EMCN: variants seen among roughly 807,000 people sequenced by gnomAD.
EMCN encodes the protein endomucin.
A neutral mutation model predicts 38.4 loss-of-function variants in EMCN; 37 were observed. The ratio of observed to expected loss-of-function variants is 0.96; its 90% confidence interval spans 0.74 to 1.27. The LOEUF (loss-of-function observed/expected upper bound fraction) is 1.27. Among genes scored for constraint, EMCN ranks in the 50% most tolerant of loss-of-function variants. EMCN has a pLI of 0.00. For synonymous variants in EMCN, 95 were observed against 100.8 expected (o/e 0.94, Z 0.35); for missense variants, 318 against 302.8 (o/e 1.05, Z -0.37).
At chr4:100,467,978 A>C (rs1334641397) in intron 3 of EMCN, among the ~76,000 whole-genome samples, 1 of 152,222 alleles carries the variant, frequency 6.6e-6, no homozygotes, top group Non-Finnish European at 1.5e-5. Context: ...TTTCTGGAGA[A>C]ATATTAATTT....
chr4:100,447,188 T>G (rs1007405198), intron 5 of EMCN, among the ~76,000 whole-genome samples: 1 of 152,180 alleles, frequency 6.6e-6, no homozygotes, highest in Non-Finnish European at 1.5e-5. Context: ...TGTTAGAAAG[T>G]AAGAGAAGAC....
intron 5 of EMCN, among the ~76,000 whole-genome samples, chr4:100,427,565 G>T (rs955989696): frequency 6.6e-6 from 1 of 151,670 alleles, no homozygotes; most frequent in Non-Finnish European, 1.5e-5. Flanking sequence ...GGGATTATAG[G>T]CATGAGCCAC....
At chr4:100,491,068 G>A (rs1273907635) in intron 1 of EMCN, among the ~76,000 whole-genome samples, 1 of 151,362 alleles carries the variant, frequency 6.6e-6, no homozygotes, top group African/African-American at 2.4e-5. Context: ...ACTCTTTTAT[G>A]ATAGCTATGG....
intron 2 of EMCN, among the ~76,000 whole-genome samples, chr4:100,477,443 G>C (rs1294397487): frequency 6.6e-6 from 1 of 152,172 alleles, no homozygotes; most frequent in Non-Finnish European, 1.5e-5. Context: ...GTGAATCTCT[G>C]AGAGCAAGCC....
At chr4:100,407,760 A>C (rs936165209) in intron 11 of EMCN, among the ~76,000 whole-genome samples, 1 of 152,180 alleles carries the variant, frequency 6.6e-6, no homozygotes, top group Admixed American at 6.5e-5. Flanking sequence ...CTGAATTTGA[A>C]TATCAACCTC....
chr4:100,414,249 C>T (rs544628309), intron 10 of EMCN, among the ~76,000 whole-genome samples: 36 of 151,050 alleles, frequency 2.4e-4, no homozygotes, highest in African/African-American at 8.0e-4. Context: ...TTGCAAGCCA[C>T]GGGCAGATTC....
chr4:100,473,373 G>GCTTT (rs1335125413), intron 3 of EMCN, among the ~76,000 whole-genome samples: 1 of 65,984 alleles, frequency 1.5e-5, no homozygotes, highest in African/African-American at 4.6e-5. Context: ...GTGTTTTTTT[G>GCTTT]TTTTTTTTTT....
chr4:100,479,967 T>G lies in EMCN; in HGVS notation c.137A>C (p.Glu46Ala), dbSNP rs752340843. Residue 46 changes from glutamate (E) to alanine (A), a missense_variant, in exon 2 of 12, where the codon GAA (glutamate) becomes GCA (alanine). Physicochemically the swap from Glu to Ala is moderately radical, Grantham distance 107 (BLOSUM62 -1). Transcript: ENST00000296420. ...TKPSITTPNT[E>A]SLQKNVVTPT... is the part of the protein sequence containing the mutation. Reference sequence around the variant, plus strand: ...TGTGACAACATTTTTCTGTAATGATTCTGTGTTTGGTGTTGTTATAGATGG... The same window carrying G: ...TGTGACAACATTTTTCTGTAATGATGCTGTGTTTGGTGTTGTTATAGATGG... 14 of 1,610,098 alleles carry G rather than the reference T, an allele frequency of 8.7e-6. No individual in the cohort carries two copies. Among genetic ancestry groups the G allele is most frequent in the Non-Finnish European group, 1.1e-5 (13 of 1,178,374 alleles).
chr4:100,404,486 A>G (rs1298906269), intron 11 of EMCN, among the ~76,000 whole-genome samples: 3 of 151,836 alleles, frequency 2.0e-5, no homozygotes, highest in Admixed American at 6.6e-5. Flanking sequence ...ATACTGTACT[A>G]GTTACTGTAG....
intron 1 of EMCN, among the ~76,000 whole-genome samples, chr4:100,515,817 C>T (rs544656185): frequency 6.6e-6 from 1 of 152,098 alleles, no homozygotes; most frequent in African/African-American, 2.4e-5. Flanking sequence ...ATGCTTTCTT[C>T]CCTGTGCCCA....
chr4:100,423,358 T>C lies in EMCN; in HGVS notation c.462A>G (p.Leu154=), dbSNP rs367944523. ...PDASPSKTGT[L]TSIPVTIPEN... ...CTGGAATTGTAACTGGTATTGAGGT[T>C]AATGTACCAGTTTTAGAAGGTGATG... Residue 154 remains leucine (L), a synonymous_variant, in exon 6 of 12, where the codon TTA becomes TTG. Coordinates refer to ENST00000296420, the MANE Select transcript of EMCN (RefSeq NM_016242.4). 2.0e-5 allele frequency: 32 copies of C among 1,613,036 alleles called. No individual in the cohort carries two copies. In the African/African-American group the frequency reaches 3.9e-4, roughly 20 times the overall value.
intron 1 of EMCN, among the ~76,000 whole-genome samples, chr4:100,497,774 T>C (rs892513087): frequency 2.0e-5 from 3 of 152,114 alleles, no homozygotes; most frequent in African/African-American, 7.2e-5. Context: ...GAGAAATTAT[T>C]GCTCATGTAT....
intron 4 of EMCN, among the ~76,000 whole-genome samples, chr4:100,452,173 T>C (rs1727861004): frequency 6.6e-6 from 1 of 152,040 alleles, no homozygotes; most frequent in Non-Finnish European, 1.5e-5. Context: ...TAGTAGCTTA[T>C]CTAAAATGCG....
chr4:100,421,934 G>A (rs1236141022), intron 7 of EMCN, among the ~76,000 whole-genome samples: 1 of 151,924 alleles, frequency 6.6e-6, no homozygotes, highest in Non-Finnish European at 1.5e-5. Flanking sequence ...TGTCTGTTTG[G>A]GGGAGTGATG....
chr4:100,508,238 C>G (rs1729533366), intron 1 of EMCN, among the ~76,000 whole-genome samples: 1 of 152,138 alleles, frequency 6.6e-6, no homozygotes, highest in South Asian at 2.1e-4. Context: ...AAGCATGTGG[C>G]CCCTGGTAAC....
At chr4:100,414,065 A>G (rs1726642158) in intron 10 of EMCN, among the ~76,000 whole-genome samples, 1 of 152,256 alleles carries the variant, frequency 6.6e-6, no homozygotes, top group South Asian at 2.1e-4. Context: ...TTCTAGTGTC[A>G]GTTGTCCCAT....
intron 1 of EMCN, among the ~76,000 whole-genome samples, chr4:100,500,960 T>G (rs1477296437): frequency 6.6e-6 from 1 of 152,104 alleles, no homozygotes; most frequent in Non-Finnish European, 1.5e-5. Flanking sequence ...TATATTAAGA[T>G]GAGTCATTTT....
intron 4 of EMCN, among the ~76,000 whole-genome samples, chr4:100,459,526 G>C (rs1341512988): frequency 6.6e-6 from 1 of 151,986 alleles, no homozygotes; most frequent in Non-Finnish European, 1.5e-5. Context: ...TATTCCTCCT[G>C]TCTAACTGAA....
Position 100,479,930 on chromosome 4 carries a change from T to C in EMCN, c.174A>G (p.Gly58=), listed in dbSNP as rs1446958835. The C allele has an allele frequency of 1.2e-6, 2 of 1,608,438 alleles. No individual in the cohort carries two copies. The highest frequency in any genetic ancestry group is 2.2e-5 in the South Asian group (2 of 89,936). Residue 58 remains glycine, a synonymous_variant, in exon 2 of 12, where the codon GGA becomes GGG. Coordinates refer to ENST00000296420, the MANE Select transcript of EMCN (RefSeq NM_016242.4). ...AGTTAATCCTACCTTTAGGAGTTGT[T>C]CCAGTTGTTGGTGTGACAACATTTT... ...LQKNVVTPTT[G]TTPKGTITNE... is the part of the protein sequence containing the mutation.
Sources: allele counts gnomAD v4.1 joint callset (sites outside exome capture counted in the v4.1 genomes callset), GRCh38; gene constraint gnomAD v4.1.1; transcripts MANE v1.5; gene names NCBI Gene and HGNC (gene_info 2026-07-23, HGNC 2026-07-21).